The following FAAP24 variants were observed in gnomAD, a reference collection of about 807,000 sequenced individuals.
The protein encoded by FAAP24 is Fanconi anemia core complex-associated protein 24.
Under a neutral mutation model 14.3 loss-of-function variants are expected in FAAP24, and 16 were observed. The observed-to-expected ratio is 1.12, with a 90% confidence interval of 0.76 to 1.69. The LOEUF is 1.69. Ranked by LOEUF, FAAP24 falls within the 40% of genes most tolerant of loss-of-function variation. The pLI, the probability that FAAP24 is intolerant of heterozygous loss-of-function variation, is 0.00. For synonymous variants in FAAP24, 111 were observed against 106.2 expected (o/e 1.04, Z -0.28); for missense variants, 234 against 262.7 (o/e 0.89, Z 0.75).
intron 3 of FAAP24, 68 bp downstream of exon 3, chr19:32,973,630 G>C (rs1431852019): frequency 1.3e-6 from 2 of 1,551,356 alleles, no homozygotes; most frequent in African/African-American, 2.7e-5. Context: ...CAAGGCGGGT[G>C]GATCACCTGA....
Position 32,973,551 on chromosome 19 carries a change from C to G in FAAP24, c.232C>G (p.Arg78Gly). The G allele has an allele frequency of 1.2e-6, 2 of 1,614,108 alleles. No homozygotes were observed. The highest frequency in any genetic ancestry group is 1.7e-6 in the Non-Finnish European group (2 of 1,179,986). Reference protein sequence around the residue: ...AGNGYRKRLVRVRNSNNLKGI... With the variant: ...AGNGYRKRLVGVRNSNNLKGI... ...AAATGGCTACAGAAAGAGGCTTGTTCGGGTTAGAAATGTAAGTATTAGGCT... is the reference window on the plus strand; with the variant it reads ...AAATGGCTACAGAAAGAGGCTTGTTGGGGTTAGAAATGTAAGTATTAGGCT... Residue 78 changes from arginine to glycine, a missense_variant, in exon 3 of 5, where the codon CGG becomes GGG. By Grantham distance (125) the Arg-to-Gly change is moderately radical. Coordinates refer to ENST00000588258, the MANE Select transcript of FAAP24 (RefSeq NM_152266.5).
In FAAP24 at chr19:32,977,026, G is replaced by A. The variant is rs1971528800; in HGVS notation, c.*344G>A. On this transcript the variant is annotated 3_prime_UTR_variant, in exon 5 of 5. Coordinates refer to ENST00000588258, the MANE Select transcript of FAAP24 (RefSeq NM_152266.5). ...ACTGCACTCCAGCCTGGGCACCAGA[G>A]CGAGACTCCGTCTCAAAGAAAACAA... is the stretch of plus-strand genomic sequence containing the variant. The A allele has an allele frequency of 1.3e-5, 5 of 398,854 alleles. No homozygotes were observed. The East Asian group carries it at 1.4e-4, about 11-fold the overall frequency. The allele number at this position is 398,854 out of a possible 1,614,324, so 24.7% of individuals were successfully genotyped here.
Position 32,977,433 on chromosome 19 carries a change from T to C in FAAP24, c.*751T>C, listed in dbSNP as rs1235398255. On this transcript the variant is annotated 3_prime_UTR_variant, in exon 5 of 5. Transcript: ENST00000588258. ...AGAGTTTCACCTGCTGTTCATCAGGTCTGGCCTTCATATACCCGTACTGCG... is the reference window on the plus strand; with the variant it reads ...AGAGTTTCACCTGCTGTTCATCAGGCCTGGCCTTCATATACCCGTACTGCG... 7 of 398,510 alleles carry C rather than the reference T, an allele frequency of 1.8e-5. No homozygotes were observed. Among genetic ancestry groups the C allele is most frequent in the Middle Eastern group, 6.2e-4 (1 of 1,610 alleles). The allele number at this position is 398,510 out of a possible 1,614,324, so 24.7% of individuals were successfully genotyped here.
chr19:32,973,322 C>T lies in FAAP24; in HGVS notation c.106+20C>T, dbSNP rs760671671. 1.2e-6 allele frequency: 2 copies of T among 1,612,580 alleles called. No homozygotes were observed. The highest frequency in any genetic ancestry group is 1.7e-5 in the Admixed American group (1 of 59,714). ...TGCAAGGTCGGTGGCCTGCCCTCTG[C>T]CAGCCCTTTCCTCCCCTGACATATT... On this transcript the variant is annotated intron_variant, in intron 2 of 4. Transcript: ENST00000588258.
chr19:32,976,391 C>A, intron 4 of FAAP24, 40 bp from the exon 5 acceptor site: 1 of 1,575,950 alleles, frequency 6.3e-7, no homozygotes, highest in South Asian at 1.2e-5. Flanking sequence ...GCCAGTCCTC[C>A]AGAGGGCGCT....
rs148264788 is a variant in FAAP24, at chr19:32,973,342, C to T, written c.106+40C>T. ...CTCTGCCAGCCCTTTCCTCCCCTGA[C>T]ATATTAAAAAAAAAAAATCTGCCTA... On this transcript the variant is annotated intron_variant, in intron 2 of 4. Coordinates refer to ENST00000588258, the MANE Select transcript of FAAP24 (RefSeq NM_152266.5). The T allele has an allele frequency of 8.1e-6, 13 of 1,600,548 alleles. No individual in the cohort carries two copies. In the South Asian group the frequency reaches 1.1e-4, roughly 14 times the overall value.
In FAAP24 at chr19:32,974,860, C is replaced by T. The variant is rs548959973; in HGVS notation, c.396+648C>T. On this transcript the variant is annotated intron_variant, in intron 4 of 4. Coordinates refer to ENST00000588258, the MANE Select transcript of FAAP24 (RefSeq NM_152266.5). ...CCCGTATTTTTGTTAAGCATCAGCACCTTGTGCAAGTTTTTTTTTTTTCCC... is the reference window on the plus strand; with the variant it reads ...CCCGTATTTTTGTTAAGCATCAGCATCTTGTGCAAGTTTTTTTTTTTTCCC... Among the ~76,000 whole-genome samples, 44 of 129,954 alleles carry T rather than the reference C, an allele frequency of 3.4e-4. 1 individual carries two copies. The highest frequency in any genetic ancestry group is 1.1e-3 in the African/African-American group (39 of 33,976). 85.3% of individuals were successfully genotyped at this position (129,954 alleles called of 152,430 possible).
At chr19:32,976,141 G>T (rs1021899903) in intron 4 of FAAP24, among the ~76,000 whole-genome samples, 25 of 152,186 alleles carry the variant, frequency 1.6e-4, no homozygotes, top group African/African-American at 6.0e-4. Context: ...CTGCACAACT[G>T]AAATGTTTCT....
Position 32,976,879 on chromosome 19 carries a change from A to C in FAAP24, c.*197A>C. 1 of 639,046 alleles carries C rather than the reference A, an allele frequency of 1.6e-6. No individual in the cohort carries two copies. Among genetic ancestry groups the C allele is most frequent in the Non-Finnish European group, 2.6e-6 (1 of 381,942 alleles). 39.6% of individuals were successfully genotyped at this position (639,046 alleles called of 1,614,324 possible). ...CCTGGCCAACATGGAGAAACCCCTA[A>C]AAATAGGAACAATTAGCCAGGCATG... On this transcript the variant is annotated 3_prime_UTR_variant, in exon 5 of 5. Transcript: ENST00000588258.
rs1971440073 is a variant in FAAP24 at position 32,972,360 on chromosome 19, T to C, written c.-14+14T>C. On this transcript the variant is annotated intron_variant, in intron 1 of 4. Transcript: ENST00000588258. ...TGAGAAGCTACGGTGCGGATCCAGCTGGGGTATCAGGGGCTAGGCACGTGA... is the reference window on the plus strand; with the variant it reads ...TGAGAAGCTACGGTGCGGATCCAGCCGGGGTATCAGGGGCTAGGCACGTGA... 1 of 403,788 alleles carries C rather than the reference T, an allele frequency of 2.5e-6. No homozygotes were observed. The highest frequency in any genetic ancestry group is 1.1e-4 in the South Asian group (1 of 9,272). 25.0% of individuals were successfully genotyped at this position (403,788 alleles called of 1,614,324 possible). A position where few individuals can be genotyped will look rare whatever the true frequency, so the allele number is the denominator to read the frequency against.
chr19:32,976,312 T>C, intron 4 of FAAP24, 119 bp from the exon 5 acceptor site: 1 of 1,257,106 alleles, frequency 8.0e-7, no homozygotes, highest in Admixed American at 2.4e-5. Context: ...ATGAAAACAT[T>C]TGTTCCCTTA....
chr19:32,977,526 C>A lies in FAAP24; in HGVS notation c.*844C>A. 2.5e-6 allele frequency: 1 copy of A among 398,326 alleles called. No homozygotes were observed. The highest frequency in any genetic ancestry group is 1.3e-4 in the South Asian group (1 of 7,690). 24.7% of individuals were successfully genotyped at this position (398,326 alleles called of 1,614,324 possible). On this transcript the variant is annotated 3_prime_UTR_variant, in exon 5 of 5. Coordinates refer to ENST00000588258, the MANE Select transcript of FAAP24 (RefSeq NM_152266.5). ...TTCCTCCTTTCCTTTGTTCCTCCCT[C>A]CCCCCGGCCTTTTTTTTTGGCAGAT...
chr19:32,973,636 C>G, intron 3 of FAAP24, 74 bp downstream of exon 3: 1 of 1,514,158 alleles, frequency 6.6e-7, no homozygotes, highest in East Asian at 2.3e-5. Flanking sequence ...GGGTGGATCA[C>G]CTGAGGTCAG....
rs1461149284 is a variant in FAAP24, at chr19:32,977,642, C to T, written c.*960C>T. On this transcript the variant is annotated 3_prime_UTR_variant, in exon 5 of 5. Transcript: ENST00000588258. ...CACTTAAAGTTGAAAACTCAACGGC[C>T]GGGCATAGTGGCTCACACCTGTAAT... The T allele has an allele frequency of 1.0e-5, 4 of 389,876 alleles. No individual in the cohort carries two copies. Among genetic ancestry groups the T allele is most frequent in the African/African-American group, 2.1e-5 (1 of 48,506 alleles). The allele number at this position is 389,876 out of a possible 1,614,324, so 24.2% of individuals were successfully genotyped here. A position where few individuals can be genotyped will look rare whatever the true frequency, so the allele number is the denominator to read the frequency against.
At position 32,976,498 on chromosome 19, in the gene FAAP24, C is replaced by G. The variant is rs1971518941; in HGVS notation, c.464C>G (p.Ser155Cys). The change falls in exon 5 of 5, where the codon TCT (serine) becomes TGT (cysteine). Residue 155 changes from serine to cysteine, a missense_variant. By Grantham distance (112) the Ser-to-Cys change is moderately radical. Coordinates refer to ENST00000588258, the MANE Select transcript of FAAP24 (RefSeq NM_152266.5). ...LLGKKRALLL[S>C]EPSLLRTVQQ... Reference sequence around the variant, plus strand: ...GGGAAGAAACGGGCCCTGCTGCTGTCTGAGCCTTCGCTCCTTCGAACCGTG... The same window carrying G: ...GGGAAGAAACGGGCCCTGCTGCTGTGTGAGCCTTCGCTCCTTCGAACCGTG... 3 of 1,614,114 alleles carry G rather than the reference C, an allele frequency of 1.9e-6. No individual in the cohort carries two copies. The highest frequency in any genetic ancestry group is 2.2e-5 in the East Asian group (1 of 44,886).
At chr19:32,975,611 C>T (rs769619651) in intron 4 of FAAP24, among the ~76,000 whole-genome samples, 2 of 151,808 alleles carry the variant, frequency 1.3e-5, no homozygotes, top group African/African-American at 2.4e-5. Flanking sequence ...AGGTGCCCGC[C>T]ACCACGCCCA....
At chr19:32,973,096 C>A in intron 1 of FAAP24, 88 bp from the exon 2 acceptor site, 1 of 912,484 alleles carries the variant, frequency 1.1e-6, no homozygotes, top group Non-Finnish European at 1.7e-6. Context: ...CAGAGGGGAT[C>A]CTGCCCCAGA....
At chr19:32,974,239 G>A (rs757146993) in intron 4 of FAAP24, 27 bp downstream of exon 4, 1 of 1,602,002 alleles carries the variant, frequency 6.2e-7, no homozygotes, top group Non-Finnish European at 8.5e-7. Context: ...ACACCTTCGT[G>A]GTAGTCCTGT....
Position 32,977,212 on chromosome 19 carries a change from A to G in FAAP24, c.*530A>G, listed in dbSNP as rs987763690. ...GCACTGCCTTCATTCTGCTAAGACG[A>G]AAAGGGCTGGTGGGATCTTCGCAAG... On this transcript the variant is annotated 3_prime_UTR_variant, in exon 5 of 5. Coordinates refer to ENST00000588258, the MANE Select transcript of FAAP24 (RefSeq NM_152266.5). 2.5e-6 allele frequency: 1 copy of G among 399,858 alleles called. No homozygotes were observed. 24.8% of individuals were successfully genotyped at this position (399,858 alleles called of 1,614,324 possible). A position where few individuals can be genotyped will look rare whatever the true frequency, so the allele number is the denominator to read the frequency against.
Sources: allele counts gnomAD v4.1 joint callset (sites outside exome capture counted in the v4.1 genomes callset), GRCh38; gene constraint gnomAD v4.1.1; transcripts MANE v1.5; gene names NCBI Gene and HGNC (gene_info 2026-07-23, HGNC 2026-07-21).